PDXK: variants seen among roughly 807,000 people sequenced by gnomAD.
The protein encoded by PDXK is epididymis secretory sperm binding protein Li 1a.
PDXK carries 15 observed loss-of-function variants against 43.2 expected under a neutral mutation model. The observed-to-expected ratio is 0.35, with a 90% CI of 0.23 to 0.53. The LOEUF (loss-of-function observed/expected upper bound fraction) is 0.53, where lower values mean the gene tolerates loss of function less well. Ranked by LOEUF, PDXK falls within the 20% of genes least tolerant of loss-of-function variation. The pLI is 0.92. For missense variants in PDXK, 343 were observed against 417.0 expected (o/e 0.82, Z 1.54); for synonymous variants, 172 against 165.4 (o/e 1.04, Z -0.31).
intron 6 of PDXK, among the ~76,000 whole-genome samples, chr21:43,750,235 G>T (rs1414596529): frequency 6.6e-6 from 1 of 152,264 alleles, no homozygotes; most frequent in African/African-American, 2.4e-5. Context: ...TTAAGTGGGG[G>T]CCGTGGCTGC....
At chr21:43,739,956 G>A (rs2083465787) in intron 2 of PDXK, among the ~76,000 whole-genome samples, 1 of 151,774 alleles carries the variant, frequency 6.6e-6, no homozygotes, top group Non-Finnish European at 1.5e-5. Context: ...CCACCGGAGG[G>A]GCAGGCTGCT....
At chr21:43,731,412 G>A (rs2083316176) in intron 1 of PDXK, among the ~76,000 whole-genome samples, 1 of 152,232 alleles carries the variant, frequency 6.6e-6, no homozygotes, top group South Asian at 2.1e-4. Flanking sequence ...GGGGTTGCCC[G>A]AGGGTGAGCG....
intron 1 of PDXK, among the ~76,000 whole-genome samples, chr21:43,724,482 A>C (rs1489387314): frequency 6.6e-6 from 1 of 152,092 alleles, no homozygotes; most frequent in Non-Finnish European, 1.5e-5. Flanking sequence ...GAGACGCGTG[A>C]CGGGGTCCCC....
In PDXK at chr21:43,737,536, C is replaced by T. The variant is rs368058414; in HGVS notation, c.142+3413C>T. On this transcript the variant is annotated intron_variant, in intron 2 of 10. Transcript: ENST00000291565. This position sits in a 1 kb window ranked among gnomAD's most constrained non-coding sequence, Gnocchi z 4.8. Reference sequence around the variant, plus strand: ...TGGAGGTCAGCGGGTGGACGGGTTGCGCTGTCCTGGCTTTCGGAGTGTAGA... The same window carrying T: ...TGGAGGTCAGCGGGTGGACGGGTTGTGCTGTCCTGGCTTTCGGAGTGTAGA... 311 of 1,021,798 alleles carry T rather than the reference C, an allele frequency of 3.0e-4. No homozygotes were observed. Among genetic ancestry groups the T allele is most frequent in the Non-Finnish European group, 3.4e-4 (288 of 850,962 alleles). The allele number at this position is 1,021,798 out of a possible 1,614,324, so 63.3% of individuals were successfully genotyped here.
rs748702111 is a variant in PDXK, at chr21:43,732,513, G to A, written c.88-1556G>A. 25 of 1,363,360 alleles carry A rather than the reference G, an allele frequency of 1.8e-5. No homozygotes were observed. The African/African-American group carries it at 2.0e-4, about 11-fold the overall frequency. The allele number at this position is 1,363,360 out of a possible 1,614,324, so 84.5% of individuals were successfully genotyped here. Reference sequence around the variant, plus strand: ...CTCTCATTTAAAAGCAGAAAATAGCGACTTCATTCTCGGATACGTTTGCCA... The same window carrying A: ...CTCTCATTTAAAAGCAGAAAATAGCAACTTCATTCTCGGATACGTTTGCCA... On this transcript the variant is annotated intron_variant, in intron 1 of 10. Coordinates refer to ENST00000291565, the MANE Select transcript of PDXK (RefSeq NM_003681.5). This position sits in a 1 kb window ranked among gnomAD's most constrained non-coding sequence, Gnocchi z 4.1.
At chr21:43,733,980 C>T in intron 1 of PDXK, 89 bp from the exon 2 acceptor site, 1 of 1,312,756 alleles carries the variant, frequency 7.6e-7, no homozygotes, top group Non-Finnish European at 1.1e-6. Flanking sequence ...GACTCATTTA[C>T]TCCCCTCTTC....
In PDXK at chr21:43,754,481, A is replaced by G. The variant is rs2083811520; in HGVS notation, c.759+762A>G. 6.6e-6 allele frequency among the ~76,000 whole-genome samples: 1 copy of G among 152,118 alleles called. No individual in the cohort carries two copies. The highest frequency in any genetic ancestry group is 2.4e-5 in the African/African-American group (1 of 41,400). ...CAGCAGAGTTGCTTGTGGCCTCGGC[A>G]GGTGGTTTTGTCAGCTGAGTCCGAG... On this transcript the variant is annotated intron_variant, in intron 9 of 10. Transcript: ENST00000291565. The surrounding 1 kb of genome is among the most constrained non-coding windows in gnomAD (Gnocchi z 5.5).
chr21:43,720,855 T>C (rs2083201062), intron 1 of PDXK, among the ~76,000 whole-genome samples: 1 of 152,198 alleles, frequency 6.6e-6, no homozygotes, highest in African/African-American at 2.4e-5. Context: ...CTGCTGTGTC[T>C]GTCCCGTCCC....
rs1249618366 is a variant in PDXK, at chr21:43,757,439, T to C, written c.*1376T>C. 1 of 152,060 alleles carries C rather than the reference T, an allele frequency of 6.6e-6. No homozygotes were observed. The highest frequency in any genetic ancestry group is 1.5e-5 in the Non-Finnish European group (1 of 68,010). The allele number at this position is 152,060 out of a possible 1,614,324, so 9.4% of individuals were successfully genotyped here. On this transcript the variant is annotated 3_prime_UTR_variant, in exon 11 of 11. Transcript: ENST00000291565. ...CCCATGGGGCCCCCAAGAAGCGGAC[T>C]CTCCAAGGGGTACCCCCACCCCGCT... is the stretch of plus-strand genomic sequence containing the variant.
intron 4 of PDXK, chr21:43,744,667 T>C (rs1366676905): frequency 1.3e-5 from 2 of 152,234 alleles, no homozygotes; most frequent in Non-Finnish European, 2.9e-5. Flanking sequence ...GCACAGCTGC[T>C]GGGAGTATGA....
Position 43,756,589 on chromosome 21 carries a change from C to A in PDXK, c.*526C>A, listed in dbSNP as rs1172593440. 1 of 154,096 alleles carries A rather than the reference C, an allele frequency of 6.5e-6. No homozygotes were observed. Among genetic ancestry groups the A allele is most frequent in the African/African-American group, 2.4e-5 (1 of 41,470 alleles). 9.5% of individuals were successfully genotyped at this position (154,096 alleles called of 1,614,324 possible). A position where few individuals can be genotyped will look rare whatever the true frequency, so the allele number is the denominator to read the frequency against. Reference sequence around the variant, plus strand: ...CCCGCATTCGAACTTTTGGTTCTTACTTTGCTGCTCGTTTAGTCCCTGGGG... The same window carrying A: ...CCCGCATTCGAACTTTTGGTTCTTAATTTGCTGCTCGTTTAGTCCCTGGGG... On this transcript the variant is annotated 3_prime_UTR_variant, in exon 11 of 11. Transcript: ENST00000291565.
At chr21:43,744,725 G>A (rs1356751866) in intron 4 of PDXK, 1 of 152,256 alleles carries the variant, frequency 6.6e-6, no homozygotes, top group Non-Finnish European at 1.5e-5. Flanking sequence ...CCCAACAAGT[G>A]GAACACCATC....
At chr21:43,725,886 C>T (rs573939473) in intron 1 of PDXK, among the ~76,000 whole-genome samples, 8 of 152,230 alleles carry the variant, frequency 5.3e-5, no homozygotes, top group Admixed American at 1.3e-4. Flanking sequence ...TCCGGTGGCC[C>T]GCACTAACTT....
rs1426518598 is a variant in PDXK at position 43,734,038 on chromosome 21, T to TA, written c.88-30dup. ...CGTGGGACCCCAGACCTGGCTCTCT[T>TA]ACGCCTACCTGTTCCTTCTCTGTCT... is the stretch of plus-strand genomic sequence containing the variant. On this transcript the variant is annotated intron_variant, in intron 1 of 10. Transcript: ENST00000291565. This position sits in a 1 kb window ranked among gnomAD's most constrained non-coding sequence, Gnocchi z 5.0. The TA allele has an allele frequency of 1.2e-6, 2 of 1,612,262 alleles. No individual in the cohort carries two copies. The highest frequency in any genetic ancestry group is 1.1e-5 in the South Asian group (1 of 91,032).
chr21:43,753,499 G>A (rs903404343), intron 8 of PDXK, 84 bp from the exon 9 acceptor site: 19 of 1,443,990 alleles, frequency 1.3e-5, no homozygotes, highest in African/African-American at 7.0e-5. Context: ...CCCTGCCGCC[G>A]TGCCCAGGAG....
chr21:43,758,254 T>C lies in PDXK; in HGVS notation c.*2191T>C, dbSNP rs537584011. 1 of 153,750 alleles carries C rather than the reference T, an allele frequency of 6.5e-6. No homozygotes were observed. Among genetic ancestry groups the C allele is most frequent in the Non-Finnish European group, 1.5e-5 (1 of 68,058 alleles). The allele number at this position is 153,750 out of a possible 1,614,324, so 9.5% of individuals were successfully genotyped here. ...CTGTATTAAGCAAGAATTAGGAGAATGGCTGTCCCTGCAGGCGCCTCCCGT... is the reference window on the plus strand; with the variant it reads ...CTGTATTAAGCAAGAATTAGGAGAACGGCTGTCCCTGCAGGCGCCTCCCGT... On this transcript the variant is annotated 3_prime_UTR_variant, in exon 11 of 11. Coordinates refer to ENST00000291565, the MANE Select transcript of PDXK (RefSeq NM_003681.5).
rs923821635 is a variant in PDXK, at chr21:43,736,938, C to G, written c.142+2815C>G. The G allele has an allele frequency of 1.9e-5, 13 of 701,282 alleles. No individual in the cohort carries two copies. In the East Asian group the frequency reaches 2.4e-4, roughly 13 times the overall value. The allele number at this position is 701,282 out of a possible 1,614,324, so 43.4% of individuals were successfully genotyped here. On this transcript the variant is annotated intron_variant, in intron 2 of 10. Coordinates refer to ENST00000291565, the MANE Select transcript of PDXK (RefSeq NM_003681.5). ...TGTGAGACTCCACGCCCAGTCTTTT[C>G]TTTTTTCTTTTTTAGAGACAAGGTC... is the stretch of plus-strand genomic sequence containing the variant.
At chr21:43,728,705 G>A in intron 1 of PDXK, 2 of 985,588 alleles carry the variant, frequency 2.0e-6, no homozygotes, top group African/African-American at 3.5e-5. Context: ...TGGGCAGGAG[G>A]AGGGCTGCTC....
At chr21:43,727,478 T>C (rs2083266235) in intron 1 of PDXK, among the ~76,000 whole-genome samples, 1 of 152,194 alleles carries the variant, frequency 6.6e-6, no homozygotes, top group Non-Finnish European at 1.5e-5. Flanking sequence ...CCCCTGTCCC[T>C]GTCCTTGGCC....
Sources: allele counts gnomAD v4.1 joint callset (sites outside exome capture counted in the v4.1 genomes callset), GRCh38; gene constraint gnomAD v4.1.1; non-coding constraint Gnocchi (gnomAD v3.1); transcripts MANE v1.5; gene names NCBI Gene and HGNC (gene_info 2026-07-23, HGNC 2026-07-21).